The following SUDS3 variants were observed in gnomAD, a reference collection of about 807,000 sequenced individuals.
The protein encoded by SUDS3 is SIN3A corepressor complex component SDS3, also known as sin3 histone deacetylase corepressor complex component SDS3.
Under a neutral mutation model 53.5 loss-of-function variants are expected in SUDS3, and 23 were observed. The ratio of observed to expected loss-of-function variants is 0.43; its 90% CI spans 0.31 to 0.61. SUDS3 has a LOEUF of 0.61. Among genes scored for constraint, SUDS3 ranks in the 20% least tolerant of loss-of-function variants. The pLI is 0.10. For missense variants in SUDS3, 291 were observed against 405.9 expected, an observed-to-expected ratio of 0.72 and a Z score of 2.43; for synonymous variants, 150 against 148.5, an observed-to-expected ratio of 1.01 and a Z score of -0.08.
chr12:118,387,700 T>A (rs1279824123), intron 4 of SUDS3, among the ~76,000 whole-genome samples: 1 of 152,040 alleles, frequency 6.6e-6, no homozygotes, highest in African/African-American at 2.4e-5. Flanking sequence ...TACAGGCGCC[T>A]GCCACCACAC....
At chr12:118,410,500 A>G (rs1177445560) in intron 10 of SUDS3, among the ~76,000 whole-genome samples, 2 of 152,090 alleles carry the variant, frequency 1.3e-5, no homozygotes, top group Admixed American at 6.5e-5. Context: ...ACCAAGGAAT[A>G]TAAGCTTTAG....
chr12:118,383,940 C>T, intron 2 of SUDS3, 72 bp from the exon 3 acceptor site: 2 of 1,401,882 alleles, frequency 1.4e-6, no homozygotes, highest in Non-Finnish European at 9.9e-7. Context: ...CAGCTAATTT[C>T]TGTGAGTAGG....
At position 118,411,068 on chromosome 12, in the gene SUDS3, G is replaced by A. The variant is rs1395689908; in HGVS notation, c.804-5G>A. 7.5e-6 allele frequency: 12 copies of A among 1,601,596 alleles called. No homozygotes were observed. The highest frequency in any genetic ancestry group is 8.5e-6 in the Non-Finnish European group (10 of 1,173,964). On this transcript the variant is annotated splice_polypyrimidine_tract_variant and splice_region_variant and intron_variant, in intron 10 of 11. Transcript: ENST00000543473. Reference sequence around the variant, plus strand: ...TTTTAAAAATGTGTGCCTTGTTTTTGTCAGGTACCACAAGAGCCAGGCCAT... The same window carrying A: ...TTTTAAAAATGTGTGCCTTGTTTTTATCAGGTACCACAAGAGCCAGGCCAT...
intron 3 of SUDS3, among the ~76,000 whole-genome samples, chr12:118,384,866 T>C (rs1248729136): frequency 1.3e-5 from 2 of 152,100 alleles, no homozygotes; most frequent in East Asian, 3.9e-4. Flanking sequence ...TCTGGAGTTT[T>C]GTGAGGGATT....
intron 2 of SUDS3, among the ~76,000 whole-genome samples, chr12:118,382,887 C>CG (rs1245639487): frequency 6.6e-6 from 1 of 151,496 alleles, no homozygotes; most frequent in Non-Finnish European, 1.5e-5. Flanking sequence ...AGGTTGGTCT[C>CG]GAACTCCTGA....
At chr12:118,412,145 G>A (rs1236968668) in intron 11 of SUDS3, among the ~76,000 whole-genome samples, 1 of 152,220 alleles carries the variant, frequency 6.6e-6, no homozygotes, top group Non-Finnish European at 1.5e-5. Flanking sequence ...TCAGCTCAGA[G>A]GGTTATACCT....
chr12:118,412,790 G>A (rs760493878), intron 11 of SUDS3, among the ~76,000 whole-genome samples: 35 of 152,094 alleles, frequency 2.3e-4, no homozygotes, highest in Admixed American at 8.5e-4. Flanking sequence ...ATATTGTCGC[G>A]TCTTGACATA....
chr12:118,416,388 C>G lies in SUDS3; in HGVS notation c.*1955C>G, dbSNP rs1469633435. ...ACAAATTGCCTCTTTTTCTGGCCTT[C>G]TCTGTGGGACCTCTGCTTTTGTGAA... On this transcript the variant is annotated 3_prime_UTR_variant, in exon 12 of 12. Coordinates refer to ENST00000543473, the MANE Select transcript of SUDS3 (RefSeq NM_022491.3). 6.8e-6 allele frequency: 1 copy of G among 147,180 alleles called. No homozygotes were observed. Among genetic ancestry groups the G allele is most frequent in the Admixed American group, 6.8e-5 (1 of 14,758 alleles). The allele number at this position is 147,180 out of a possible 1,614,324, so 9.1% of individuals were successfully genotyped here. A position where few individuals can be genotyped will look rare whatever the true frequency, so the allele number is the denominator to read the frequency against.
At chr12:118,386,789 A>C (rs2046118875) in intron 4 of SUDS3, among the ~76,000 whole-genome samples, 1 of 152,220 alleles carries the variant, frequency 6.6e-6, no homozygotes, top group Admixed American at 6.5e-5. Context: ...AAAAGATACC[A>C]CATGTATAAC....
intron 9 of SUDS3, 67 bp from the exon 10 acceptor site, chr12:118,403,345 C>T: frequency 8.4e-7 from 1 of 1,190,728 alleles, no homozygotes; most frequent in Non-Finnish European, 1.2e-6. Flanking sequence ...TCAATTAAAG[C>T]ATGTTAACTG....
chr12:118,386,800 G>C (rs2141366167), intron 4 of SUDS3, among the ~76,000 whole-genome samples: 1 of 152,140 alleles, frequency 6.6e-6, no homozygotes, highest in East Asian at 1.9e-4. Context: ...CATGTATAAC[G>C]TGTAAAGTTA....
At chr12:118,413,570 G>T (rs1396435420) in intron 11 of SUDS3, among the ~76,000 whole-genome samples, 1 of 152,206 alleles carries the variant, frequency 6.6e-6, no homozygotes, top group African/African-American at 2.4e-5. Flanking sequence ...CAGTAACCCT[G>T]GCTCAGGGGG....
Position 118,378,225 on chromosome 12 carries a change from C to A in SUDS3, c.142+1392C>A, listed in dbSNP as rs193052743. On this transcript the variant is annotated intron_variant, in intron 1 of 11. Coordinates refer to ENST00000543473, the MANE Select transcript of SUDS3 (RefSeq NM_022491.3). ...AAACAGTTTTCGTTTGATCATCTGGCCTCCTCCTTGTTCCCTTTAGTTGTA... is the reference window on the plus strand; with the variant it reads ...AAACAGTTTTCGTTTGATCATCTGGACTCCTCCTTGTTCCCTTTAGTTGTA... 4.6e-5 allele frequency among the ~76,000 whole-genome samples: 7 copies of A among 152,240 alleles called. No homozygotes were observed. The East Asian group carries it at 1.4e-3, about 29-fold the overall frequency.
intron 6 of SUDS3, 47 bp downstream of exon 6, chr12:118,391,329 G>T (rs775586691): frequency 1.9e-6 from 3 of 1,554,794 alleles, no homozygotes; most frequent in Middle Eastern, 3.5e-4. Flanking sequence ...TGAGCGGGGG[G>T]GTGTGAAGGG....
chr12:118,413,663 C>T (rs2046376946), intron 11 of SUDS3, among the ~76,000 whole-genome samples: 1 of 152,138 alleles, frequency 6.6e-6, no homozygotes, highest in East Asian at 1.9e-4. Flanking sequence ...CCCTGGCAGT[C>T]CCCTGTTGCA....
chr12:118,402,849 C>T (rs538447465), intron 9 of SUDS3, among the ~76,000 whole-genome samples: 2 of 151,966 alleles, frequency 1.3e-5, no homozygotes, highest in South Asian at 2.1e-4. Context: ...CAACCTCCGA[C>T]TCCCAGGTTC....
chr12:118,405,000 G>A (rs2046297132), intron 10 of SUDS3, among the ~76,000 whole-genome samples: 3 of 152,146 alleles, frequency 2.0e-5, no homozygotes, highest in Admixed American at 1.3e-4. Context: ...TATCTCTAAG[G>A]CTGATCTTGA....
At position 118,391,206 on chromosome 12, in the gene SUDS3, A is replaced by G. The variant is rs763438452; in HGVS notation, c.441A>G (p.Lys147=). Residue 147 remains lysine (K), a synonymous_variant, in exon 6 of 12, where the codon AAA becomes AAG. Coordinates refer to ENST00000543473, the MANE Select transcript of SUDS3 (RefSeq NM_022491.3). ...KEFEDKKVEL[K]ENLIAELEEK... is the part of the protein sequence containing the mutation. ...TTGAAGACAAGAAGGTTGAGCTGAA[A>G]GAGAACCTGATTGCTGAGCTAGAAG... 6.2e-7 allele frequency: 1 copy of G among 1,613,848 alleles called. No homozygotes were observed. Among genetic ancestry groups the G allele is most frequent in the Non-Finnish European group, 8.5e-7 (1 of 1,179,864 alleles).
intron 10 of SUDS3, among the ~76,000 whole-genome samples, chr12:118,405,017 C>A (rs2046297221): frequency 6.6e-6 from 1 of 152,196 alleles, no homozygotes; most frequent in African/African-American, 2.4e-5. Context: ...TTGATGACTT[C>A]TTCCCCTCTG....
Sources: allele counts gnomAD v4.1 joint callset (sites outside exome capture counted in the v4.1 genomes callset), GRCh38; gene constraint gnomAD v4.1.1; transcripts MANE v1.5; gene names NCBI Gene and HGNC (gene_info 2026-07-23, HGNC 2026-07-21).